AGTPBP1: variants seen among roughly 807,000 people sequenced by gnomAD.
The protein encoded by AGTPBP1 is cytosolic carboxypeptidase 1.
Under a neutral mutation model 143.9 loss-of-function variants are expected in AGTPBP1, and 70 were observed. That is an observed-to-expected ratio of 0.49 (90% CI 0.40 to 0.59). AGTPBP1 has a LOEUF of 0.59. AGTPBP1 is among the 20% of genes least tolerant of loss of function. AGTPBP1 has a pLI of 0.00. For synonymous variants in AGTPBP1, 463 were observed against 500.2 expected, an observed-to-expected ratio of 0.93 and a Z score of 0.99; for missense variants, 1,229 against 1,464.5, an observed-to-expected ratio of 0.84 and a Z score of 2.62.
chr9:85,635,485 C>T (rs1391071781), intron 13 of AGTPBP1, among the ~76,000 whole-genome samples: 1 of 152,170 alleles, frequency 6.6e-6, no homozygotes, highest in South Asian at 2.1e-4. Flanking sequence ...AAGTATCCAC[C>T]CCACAGAACT....
At chr9:85,584,170 C>A (rs1828460185) in intron 23 of AGTPBP1, among the ~76,000 whole-genome samples, 1 of 152,060 alleles carries the variant, frequency 6.6e-6, no homozygotes, top group African/African-American at 2.4e-5. Context: ...ACTAAATATT[C>A]CCCTTTTCTA....
chr9:85,598,844 C>T (rs186343920), intron 17 of AGTPBP1, among the ~76,000 whole-genome samples: 32 of 152,160 alleles, frequency 2.1e-4, no homozygotes, highest in Non-Finnish European at 4.3e-4. Context: ...CTCAGCCTCC[C>T]GAGTAGCTGG....
rs538208190 is a variant in AGTPBP1 at position 85,617,954 on chromosome 9, T to C, written c.2335+1029A>G. On this transcript the variant is annotated intron_variant, in intron 17 of 25. Coordinates refer to ENST00000357081, the MANE Select transcript of AGTPBP1 (RefSeq NM_001330701.2). ...CCTAAAACTATTCAAGAAATTAAAT[T>C]TCTAGCTGGGCGCACTGGCTCACAC... Among the ~76,000 whole-genome samples the C allele has an allele frequency of 3.9e-5, 6 of 152,178 alleles. No homozygotes were observed. In the East Asian group the frequency reaches 1.2e-3, roughly 29 times the overall value.
intron 3 of AGTPBP1, among the ~76,000 whole-genome samples, chr9:85,682,570 T>G (rs552773501): frequency 9.2e-5 from 14 of 152,330 alleles, no homozygotes; most frequent in Admixed American, 7.8e-4. Context: ...TAATACAGAA[T>G]GACAGTGCCA....
At chr9:85,569,509 T>C (rs1827324988) in intron 25 of AGTPBP1, among the ~76,000 whole-genome samples, 1 of 152,218 alleles carries the variant, frequency 6.6e-6, no homozygotes, top group Non-Finnish European at 1.5e-5. Context: ...TATATACTAA[T>C]GATCTGATCT....
chr9:85,756,326 A>C, the AGTPBP1 span: 1 of 1,406,728 alleles, frequency 7.1e-7, no homozygotes. Context: ...TATAATCAGA[A>C]AAACATAATA....
the AGTPBP1 span, among the ~76,000 whole-genome samples, chr9:85,774,330 A>G: frequency 6.6e-6 from 1 of 152,122 alleles, no homozygotes; most frequent in African/African-American, 2.4e-5. Context: ...TGTGGGATTG[A>G]TTCAGGCTTT....
intron 1 of AGTPBP1, among the ~76,000 whole-genome samples, chr9:85,717,445 T>G (rs1270660557): frequency 6.6e-6 from 1 of 152,188 alleles, no homozygotes; most frequent in Non-Finnish European, 1.5e-5. Flanking sequence ...AATGCTGCAG[T>G]GAGCTGTGTT....
chr9:85,555,880 T>G (rs566247382), intron 25 of AGTPBP1, among the ~76,000 whole-genome samples: 1 of 152,148 alleles, frequency 6.6e-6, no homozygotes, highest in Non-Finnish European at 1.5e-5. Context: ...AAGAACAATG[T>G]AAAAGTAAAT....
the AGTPBP1 span, among the ~76,000 whole-genome samples, chr9:85,778,087 G>A: frequency 6.6e-6 from 1 of 152,216 alleles, no homozygotes; most frequent in African/African-American, 2.4e-5. Context: ...AGGGTGGCGA[G>A]TGGAGACCAT....
At chr9:85,773,424 C>G in the AGTPBP1 span, among the ~76,000 whole-genome samples, 4 of 145,452 alleles carry the variant, frequency 2.8e-5, no homozygotes, top group South Asian at 8.8e-4. Flanking sequence ...GACTCCGCCT[C>G]CCAGGTTCAA....
In AGTPBP1 at chr9:85,615,003, G is replaced by C. The variant is rs560148123; in HGVS notation, c.2335+3980C>G. On this transcript the variant is annotated intron_variant, in intron 17 of 25. Coordinates refer to ENST00000357081, the MANE Select transcript of AGTPBP1 (RefSeq NM_001330701.2). ...ATTTCGTACCTTTCGTTCATTCGTG[G>C]CTCAGGTATGCAGTTGTAAATGTGA... 1.9e-3 allele frequency among the ~76,000 whole-genome samples: 289 copies of C among 152,162 alleles called. 1 individual carries two copies. The highest frequency in any genetic ancestry group is 2.5e-3 in the Non-Finnish European group (172 of 67,966).
At chr9:85,657,194 AT>A (rs373073516) in intron 10 of AGTPBP1, among the ~76,000 whole-genome samples, 171 of 147,292 alleles carry the variant, frequency 1.2e-3, no homozygotes, top group African/African-American at 3.6e-3. Flanking sequence ...TAAAAAAAAA[AT>A]AATACAAAAA....
intron 2 of AGTPBP1, among the ~76,000 whole-genome samples, chr9:85,711,961 C>G (rs1270670568): frequency 2.0e-5 from 3 of 151,972 alleles, no homozygotes; most frequent in Non-Finnish European, 4.4e-5. Context: ...ATTTTTTTAA[C>G]CATTTAAAAA....
rs999987515 is a variant in AGTPBP1 at position 85,723,271 on chromosome 9, A to C, written c.-33-10705T>G. The stretch of plus-strand genomic sequence containing the variant: ...TCTGCTGCCTTTTCTTCTGGTAGGC[A>C]CTGCCCAGAAGTGGAATCTAGAAAG... On this transcript the variant is annotated intron_variant, in intron 1 of 25. Transcript: ENST00000357081. Among the ~76,000 whole-genome samples the C allele has an allele frequency of 3.9e-5, 6 of 152,216 alleles. No individual in the cohort carries two copies. The South Asian group carries it at 1.0e-3, about 26-fold the overall frequency.
At chr9:85,759,998 C>T in the AGTPBP1 span, among the ~76,000 whole-genome samples, 1 of 152,086 alleles carries the variant, frequency 6.6e-6, no homozygotes, top group African/African-American at 2.4e-5. Flanking sequence ...CACCTCTACG[C>T]AAATAAACTA....
At chr9:85,591,836 T>C (rs188436404) in intron 19 of AGTPBP1, among the ~76,000 whole-genome samples, 48 of 152,288 alleles carry the variant, frequency 3.2e-4, no homozygotes, top group Middle Eastern at 6.8e-3. Context: ...AATTTCTTTA[T>C]TGGTAAATTG....
At chr9:85,689,838 T>A (rs777335513) in intron 3 of AGTPBP1, among the ~76,000 whole-genome samples, 39 of 132,344 alleles carry the variant, frequency 2.9e-4, no homozygotes, top group Non-Finnish European at 5.5e-4. Flanking sequence ...GAGGTTGCCA[T>A]GAGTGGAGAT....
Position 85,678,374 on chromosome 9 carries a change from G to C in AGTPBP1, c.250C>G (p.Leu84Val), listed in dbSNP as rs1490536006. 1.3e-6 allele frequency: 2 copies of C among 1,592,284 alleles called. No individual in the cohort carries two copies. The highest frequency in any genetic ancestry group is 8.6e-7 in the Non-Finnish European group (1 of 1,166,552). Residue 84 changes from leucine (L) to valine (V), a missense_variant, in exon 5 of 26, where the codon CTT becomes GTT. By Grantham distance (32) the Leu-to-Val change is conservative (BLOSUM62 1). This residue lies in a region of AGTPBP1 where 743 missense variants were observed against 812.2 expected (regional missense o/e 0.91). Coordinates refer to ENST00000357081, the MANE Select transcript of AGTPBP1 (RefSeq NM_001330701.2). The part of the protein sequence containing the change: ...LENTKDLQTT[L>V]NILSILVELV... Reference sequence around the variant, plus strand: ...TCAACAAGAATGCTTAAGATATTAAGTGTAGTTTGAAGATCTTTTGTGTTC... The same window carrying C: ...TCAACAAGAATGCTTAAGATATTAACTGTAGTTTGAAGATCTTTTGTGTTC...
Sources: gnomAD v4.1 joint callset for allele counts (sites outside exome capture counted in the v4.1 genomes callset) on GRCh38, gnomAD v4.1.1 for gene constraint, gnomAD v4.1.1 regional missense constraint, MANE v1.5 for transcripts, NCBI Gene and HGNC (gene_info 2026-07-23, HGNC 2026-07-21) for gene names.